VAC14: variants seen among roughly 807,000 people sequenced by gnomAD.
VAC14 encodes the protein VAC14 component of PIKFYVE complex, also known as protein VAC14 homolog.
A neutral mutation model predicts 85.3 loss-of-function variants in VAC14; 47 were observed. The observed-to-expected ratio is 0.55, with a 90% CI of 0.44 to 0.70. VAC14 has a LOEUF of 0.70. Among genes scored for constraint, VAC14 ranks in the 30% least tolerant of loss-of-function variants. VAC14 has a pLI of 0.00. For missense variants in VAC14, 861 were observed against 1,004.3 expected (o/e 0.86, Z 1.93); for synonymous variants, 447 against 430.5 (o/e 1.04, Z -0.47).
intron 10 of VAC14, among the ~76,000 whole-genome samples, chr16:70,764,307 T>C (rs949799231): frequency 6.6e-6 from 1 of 152,222 alleles, no homozygotes; most frequent in Non-Finnish European, 1.5e-5. Flanking sequence ...GGGCATGTGA[T>C]ACAGCCACAG....
intron 12 of VAC14, among the ~76,000 whole-genome samples, chr16:70,758,014 A>G (rs16970513): frequency 0.27 from 40,733 of 152,196 alleles, 8,291 homozygotes; most frequent in African/African-American, 0.57. Context: ...ACCTGGGTAG[A>G]GAAGGAAGAA....
intron 12 of VAC14, chr16:70,756,139 G>C: frequency 2.2e-6 from 1 of 455,952 alleles, no homozygotes. Context: ...GAAGGAAAGG[G>C]GCACGCTGGG....
intron 14 of VAC14, among the ~76,000 whole-genome samples, chr16:70,703,518 C>T (rs1389701212): frequency 6.6e-6 from 1 of 152,236 alleles, no homozygotes; most frequent in Non-Finnish European, 1.5e-5. Context: ...CAAAGACACA[C>T]GCCATTTAGG....
intron 18 of VAC14, chr16:70,689,757 G>A: frequency 1.0e-6 from 1 of 985,522 alleles, no homozygotes; most frequent in Non-Finnish European, 1.2e-6. Flanking sequence ...GGCCATTCTA[G>A]AGGGCCAGGC....
intron 10 of VAC14, among the ~76,000 whole-genome samples, chr16:70,765,506 TG>T (rs1181272747): frequency 6.6e-6 from 1 of 152,132 alleles, no homozygotes; most frequent in African/African-American, 2.4e-5. Flanking sequence ...AAAAGCCCTA[TG>T]GCCTAAAGCA....
chr16:70,728,306 G>A (rs1239416350), intron 14 of VAC14, among the ~76,000 whole-genome samples: 3 of 152,152 alleles, frequency 2.0e-5, no homozygotes, highest in African/African-American at 7.2e-5. Context: ...CTGGCACGCA[G>A]GATGTTCAGG....
chr16:70,769,900 G>A (rs1341858251), intron 10 of VAC14: 1 of 152,264 alleles, frequency 6.6e-6, no homozygotes, highest in East Asian at 1.9e-4. Context: ...GGCTGCCAGA[G>A]GGAGGCTTTT....
intron 14 of VAC14, among the ~76,000 whole-genome samples, chr16:70,726,611 A>G (rs1160859869): frequency 2.0e-5 from 3 of 152,208 alleles, no homozygotes; most frequent in Non-Finnish European, 4.4e-5. Context: ...TAAAAATGGG[A>G]GGAATTGGGG....
At chr16:70,761,911 C>G (rs754288613) in intron 12 of VAC14, among the ~76,000 whole-genome samples, 1 of 152,192 alleles carries the variant, frequency 6.6e-6, no homozygotes, top group Non-Finnish European at 1.5e-5. Flanking sequence ...CTCACATCCC[C>G]CTATGGTTAC....
intron 12 of VAC14, among the ~76,000 whole-genome samples, chr16:70,748,314 G>A (rs2031084787): frequency 2.6e-5 from 4 of 152,126 alleles, no homozygotes; most frequent in Non-Finnish European, 4.4e-5. Flanking sequence ...GACAGGTCAG[G>A]CTCTGCCTTC....
chr16:70,733,224 T>C lies in VAC14; in HGVS notation c.1529-1597A>G, dbSNP rs149728384. Among the ~76,000 whole-genome samples the C allele has an allele frequency of 1.6e-4, 25 of 152,302 alleles. No individual in the cohort carries two copies. The South Asian group carries it at 2.9e-3, about 18-fold the overall frequency. ...GCCTATTCTGGATGTTTCCTATAAA[T>C]AGAACTAAGCAGTAGGTGGCTTTTT... On this transcript the variant is annotated intron_variant, in intron 13 of 18. Coordinates refer to ENST00000261776, the MANE Select transcript of VAC14 (RefSeq NM_018052.5).
intron 10 of VAC14, 95 bp from the exon 11 acceptor site, chr16:70,763,120 T>C: frequency 6.4e-7 from 1 of 1,558,348 alleles, no homozygotes; most frequent in Non-Finnish European, 8.7e-7. Flanking sequence ...ACATCCTGAG[T>C]CACACACTGC....
chr16:70,771,775 C>T (rs1461187978), intron 10 of VAC14: 15 of 216,744 alleles, frequency 6.9e-5, no homozygotes, highest in Admixed American at 5.5e-4. Context: ...AAAACAGGGT[C>T]TCGCCATGTT....
At chr16:70,731,231 C>T (rs1014525805) in intron 14 of VAC14, 24 of 1,163,586 alleles carry the variant, frequency 2.1e-5, no homozygotes, top group Non-Finnish European at 2.6e-5. Flanking sequence ...GGCTGTTCCA[C>T]CTCAGGGGAA....
In VAC14 at chr16:70,692,912, C is replaced by T. The variant is rs1226749308; in HGVS notation, c.2095G>A (p.Gly699Ser). ...CTCTGCGGCAGGAGCATGAGCAGGC[C>T]GTAGAGGGCCTTGATCAGGTAGGGG... Reference protein sequence around the residue: ...NNPYLIKALYGLLMLLPQSSA... With the variant: ...NNPYLIKALYSLLMLLPQSSA... The change falls in exon 18 of 19, where the codon GGC (glycine) becomes AGC (serine). Residue 699 changes from glycine to serine, a missense_variant. Physicochemically the swap from Gly to Ser is moderately conservative, Grantham distance 56 (BLOSUM62 0). Around this residue, in one of 3 missense-constraint regions of VAC14, gnomAD observed 163 missense variants for 162.2 expected, o/e 1.00. Coordinates refer to ENST00000261776, the MANE Select transcript of VAC14 (RefSeq NM_018052.5). 5.0e-6 allele frequency: 8 copies of T among 1,610,212 alleles called. No individual in the cohort carries two copies. The highest frequency in any genetic ancestry group is 2.2e-5 in the East Asian group (1 of 44,830).
intron 1 of VAC14, among the ~76,000 whole-genome samples, chr16:70,791,548 C>G (rs2034340407): frequency 6.6e-6 from 1 of 152,142 alleles, no homozygotes; most frequent in African/African-American, 2.4e-5. Flanking sequence ...TCACGCCTGG[C>G]TAATTTTTTC....
chr16:70,710,453 G>A (rs146838977), intron 14 of VAC14, among the ~76,000 whole-genome samples: 271 of 152,366 alleles, frequency 1.8e-3, no homozygotes, highest in East Asian at 4.6e-3. Flanking sequence ...GACTTGTGAG[G>A]AATGAGGCGG....
chr16:70,786,040 G>T, intron 2 of VAC14, 171 bp from the exon 3 acceptor site: 1 of 1,354,542 alleles, frequency 7.4e-7, no homozygotes, highest in Non-Finnish European at 1.0e-6. Flanking sequence ...CCCATGCCTA[G>T]GGGACCAGGC....
chr16:70,761,001 G>A, intron 12 of VAC14, among the ~76,000 whole-genome samples: 1 of 125,856 alleles, frequency 7.9e-6, no homozygotes, highest in African/African-American at 3.7e-5. Context: ...GTGTGTGTGT[G>A]TGTGTGTGTG....
Sources: gnomAD v4.1 joint callset for allele counts (sites outside exome capture counted in the v4.1 genomes callset) on GRCh38, gnomAD v4.1.1 for gene constraint, gnomAD v4.1.1 regional missense constraint, MANE v1.5 for transcripts, NCBI Gene and HGNC (gene_info 2026-07-23, HGNC 2026-07-21) for gene names.